The following GABRA3 variants were observed in gnomAD, a reference collection of about 807,000 sequenced individuals.
The protein encoded by GABRA3 is gamma-aminobutyric acid type A receptor subunit alpha3.
Under a neutral mutation model 30.1 loss-of-function variants are expected in GABRA3, and 10 were observed. The observed-to-expected ratio is 0.33, with a 90% CI of 0.20 to 0.56. The LOEUF (loss-of-function observed/expected upper bound fraction) is 0.56. Among genes scored for constraint, GABRA3 ranks in the 20% least tolerant of loss-of-function variants. The pLI, the probability that GABRA3 is intolerant of heterozygous loss-of-function variation, is 0.89. For synonymous variants in GABRA3, 151 were observed against 146.8 expected (o/e 1.03, Z -0.21); for missense variants, 233 against 392.0 (o/e 0.59, Z 3.42).
At chrX:152,334,402 G>T (rs139447863) in intron 3 of GABRA3, among the ~76,000 whole-genome samples, 124 of 111,775 alleles carry the variant, frequency 1.1e-3, no homozygotes, top group African/African-American at 3.9e-3. Flanking sequence ...TATTGCACAG[G>T]AAGAATTAAA....
At chrX:152,272,239 C>T (rs186512353) in intron 4 of GABRA3, among the ~76,000 whole-genome samples, 2 of 112,285 alleles carry the variant, frequency 1.8e-5, no homozygotes, top group African/African-American at 3.2e-5. Flanking sequence ...GGGGACTGTA[C>T]CCTGCAAAGC....
At chrX:152,263,389 G>T (rs78818991) in intron 4 of GABRA3, among the ~76,000 whole-genome samples, 12,674 of 109,545 alleles carry the variant, frequency 0.12, 607 homozygotes, top group African/African-American at 0.16. Context: ...TAGTTAAAAA[G>T]AATCAAGCAG....
chrX:152,236,565 G>A (rs1198273611), intron 5 of GABRA3, among the ~76,000 whole-genome samples: 1,873 of 100,072 alleles, frequency 0.019, 35 homozygotes, highest in Middle Eastern at 0.046. Flanking sequence ...CTGAGGAATC[G>A]CCACACTGAC....
At chrX:152,414,589 T>C (rs1463176357) in intron 1 of GABRA3, among the ~76,000 whole-genome samples, 1 of 110,966 alleles carries the variant, frequency 9.0e-6, no homozygotes, top group Non-Finnish European at 1.9e-5. Flanking sequence ...CTGCTGGTAA[T>C]GCAAAATGAT....
intron 3 of GABRA3, among the ~76,000 whole-genome samples, chrX:152,300,874 T>G (rs1424584520): frequency 1.8e-5 from 2 of 111,772 alleles, no homozygotes; most frequent in Non-Finnish European, 3.8e-5. Flanking sequence ...ATAGCCTTAT[T>G]GGATAATAGG....
rs142903416 is a variant in GABRA3 at position 152,447,492 on chromosome X, C to T, written c.-27+3654G>A. ...TTCCTTTATTGAATGTATGGCCCCA[C>T]AACTAATGTCAAATGGTTCATTCAT... is the stretch of plus-strand genomic sequence containing the variant. On this transcript the variant is annotated intron_variant, in intron 1 of 9. Transcript: ENST00000370314. Among the ~76,000 whole-genome samples, 216 of 111,513 alleles carry T rather than the reference C, an allele frequency of 1.9e-3. 1 individual carries two copies. Among genetic ancestry groups the T allele is most frequent in the African/African-American group, 6.6e-3 (204 of 30,724 alleles).
chrX:152,369,120 A>G (rs1236702440), intron 1 of GABRA3, among the ~76,000 whole-genome samples: 1 of 111,146 alleles, frequency 9.0e-6, no homozygotes, highest in Non-Finnish European at 1.9e-5. Flanking sequence ...CTCTAACATG[A>G]TTGGTCTTTT....
chrX:152,446,781 G>A (rs750707432), intron 1 of GABRA3, among the ~76,000 whole-genome samples: 1 of 111,578 alleles, frequency 9.0e-6, no homozygotes. Flanking sequence ...AGATGGGTTT[G>A]CTCATCCACA....
rs1341722153 is a variant in GABRA3, at chrX:152,199,332, C to A, written c.779-1547G>T. Among the ~76,000 whole-genome samples the A allele has an allele frequency of 2.9e-5, 3 of 103,483 alleles. 1 individual carries two copies. The highest frequency in any genetic ancestry group is 1.0e-4 in the African/African-American group (3 of 29,284). 89.9% of individuals were successfully genotyped at this position (103,483 alleles called of 115,157 possible). A position where few individuals can be genotyped will look rare whatever the true frequency, so the allele number is the denominator to read the frequency against. On this transcript the variant is annotated intron_variant, in intron 7 of 9. Coordinates refer to ENST00000370314, the MANE Select transcript of GABRA3 (RefSeq NM_000808.4). ...AGTGAGCCAAGGTCGTGCCACTGCA[C>A]TCCAGCCTGGGCAACAGGCGAGACT...
chrX:152,369,361 T>A (rs866031812), intron 1 of GABRA3, among the ~76,000 whole-genome samples: 1 of 105,871 alleles, frequency 9.4e-6, no homozygotes, highest in African/African-American at 3.5e-5. Flanking sequence ...ATCTGTCAAT[T>A]AATAAATAAA....
At chrX:152,171,600 C>T (rs1937003054) in intron 9 of GABRA3, among the ~76,000 whole-genome samples, 1 of 111,507 alleles carries the variant, frequency 9.0e-6, no homozygotes, top group African/African-American at 3.3e-5. Context: ...TATTCCTACC[C>T]CCTAGCCAAG....
chrX:152,242,773 T>C (rs929854398), intron 5 of GABRA3, among the ~76,000 whole-genome samples: 6 of 111,947 alleles, frequency 5.4e-5, no homozygotes, highest in Admixed American at 9.5e-5. Context: ...AAGAGAACTC[T>C]TTCATACGGC....
At chrX:152,194,566 T>C (rs750954659) in intron 8 of GABRA3, among the ~76,000 whole-genome samples, 2 of 111,617 alleles carry the variant, frequency 1.8e-5, no homozygotes, top group Non-Finnish European at 3.8e-5. Context: ...CTTATTGTTA[T>C]TATGTTTTTG....
At chrX:152,279,987 C>G (rs1466070811) in intron 4 of GABRA3, among the ~76,000 whole-genome samples, 1 of 111,424 alleles carries the variant, frequency 9.0e-6, no homozygotes, top group African/African-American at 3.3e-5. Flanking sequence ...GCTGAAGTTG[C>G]TTATCAGCTT....
At chrX:152,187,841 G>A (rs1002458117) in intron 9 of GABRA3, among the ~76,000 whole-genome samples, 3 of 111,997 alleles carry the variant, frequency 2.7e-5, no homozygotes, top group African/African-American at 6.5e-5. Context: ...ACTATCATGC[G>A]ATTAACACAA....
At chrX:152,429,929 A>C (rs1930613329) in intron 1 of GABRA3, among the ~76,000 whole-genome samples, 2 of 112,475 alleles carry the variant, frequency 1.8e-5, no homozygotes, top group Admixed American at 1.9e-4. Context: ...ACTGATACTC[A>C]GATATGTGAA....
At chrX:152,408,914 C>T (rs1930001338) in intron 1 of GABRA3, among the ~76,000 whole-genome samples, 1 of 111,709 alleles carries the variant, frequency 9.0e-6, no homozygotes, top group Admixed American at 9.5e-5. Context: ...GATATAAATC[C>T]ATGCATTTGT....
At chrX:152,249,171 T>C (rs1012307066) in intron 5 of GABRA3, among the ~76,000 whole-genome samples, 5 of 110,940 alleles carry the variant, frequency 4.5e-5, no homozygotes, top group African/African-American at 6.5e-5. Flanking sequence ...AATTGGGTCA[T>C]CATTTATATT....
intron 3 of GABRA3, among the ~76,000 whole-genome samples, chrX:152,309,077 G>T (rs1175798805): frequency 8.9e-6 from 1 of 111,867 alleles, no homozygotes; most frequent in Non-Finnish European, 1.9e-5. Flanking sequence ...AACTCAGTCA[G>T]CAAAAATCTT....
Sources: allele counts gnomAD v4.1 joint callset (sites outside exome capture counted in the v4.1 genomes callset), GRCh38; gene constraint gnomAD v4.1.1; transcripts MANE v1.5; gene names NCBI Gene and HGNC (gene_info 2026-07-23, HGNC 2026-07-21).